PALS2: variants seen among roughly 807,000 people sequenced by gnomAD.
PALS2 encodes the protein protein associated with LIN7 2, MAGUK p55 family member.
Under a neutral mutation model 61.6 loss-of-function variants are expected in PALS2, and 27 were observed. The ratio of observed to expected loss-of-function variants is 0.44; its 90% CI spans 0.32 to 0.60. PALS2 has a LOEUF of 0.60. Among genes scored for constraint, PALS2 ranks in the 20% least tolerant of loss-of-function variants. The pLI, the probability that PALS2 is intolerant of heterozygous loss-of-function variation, is 0.05. For missense variants in PALS2, 554 were observed against 639.4 expected (o/e 0.87, Z 1.44); for synonymous variants, 236 against 218.6 (o/e 1.08, Z -0.70).
Position 24,691,915 on chromosome 7 carries a change from C to G in PALS2, c.*4301C>G, listed in dbSNP as rs1788496637. The G allele has an allele frequency of 6.6e-6, 1 of 152,002 alleles. No individual in the cohort carries two copies. Among genetic ancestry groups the G allele is most frequent in the South Asian group, 2.1e-4 (1 of 4,826 alleles). The allele number at this position is 152,002 out of a possible 1,614,324, so 9.4% of individuals were successfully genotyped here. A position where few individuals can be genotyped will look rare whatever the true frequency, so the allele number is the denominator to read the frequency against. ...TTATTGTATATAGTACAAATGAATA[C>G]TCACAAAATTTAAGAATACATTTGA... On this transcript the variant is annotated 3_prime_UTR_variant, in exon 12 of 12. Coordinates refer to ENST00000222644, the MANE Select transcript of PALS2 (RefSeq NM_001303037.2).
At chr7:24,595,487 ATT>A (rs1012514301) in intron 1 of PALS2, among the ~76,000 whole-genome samples, 1 of 130,026 alleles carries the variant, frequency 7.7e-6, no homozygotes, top group Non-Finnish European at 1.6e-5. Context: ...GTAAATATAT[ATT>A]ATATATTTTT....
At chr7:24,644,105 T>C (rs1334059759) in intron 3 of PALS2, among the ~76,000 whole-genome samples, 1 of 151,794 alleles carries the variant, frequency 6.6e-6, no homozygotes, top group Non-Finnish European at 1.5e-5. Flanking sequence ...CTTTTTTTTT[T>C]TTTTTTACTT....
In PALS2 at chr7:24,689,331, A is replaced by G. The variant is rs1788360367; in HGVS notation, c.*1717A>G. 1 of 152,218 alleles carries G rather than the reference A, an allele frequency of 6.6e-6. No individual in the cohort carries two copies. Among genetic ancestry groups the G allele is most frequent in the Admixed American group, 6.5e-5 (1 of 15,280 alleles). 9.4% of individuals were successfully genotyped at this position (152,218 alleles called of 1,614,324 possible). On this transcript the variant is annotated 3_prime_UTR_variant, in exon 12 of 12. Transcript: ENST00000222644. ...AGCTTTTCATGTAAACATTATTCACACTTTAAAGGATTAGGTGTTTAAATA... is the reference window on the plus strand; with the variant it reads ...AGCTTTTCATGTAAACATTATTCACGCTTTAAAGGATTAGGTGTTTAAATA...
At chr7:24,644,737 G>A (rs1785743005) in intron 3 of PALS2, among the ~76,000 whole-genome samples, 1 of 151,940 alleles carries the variant, frequency 6.6e-6, no homozygotes, top group South Asian at 2.1e-4. Context: ...TTTCTACAGT[G>A]GTTGAGCTAA....
chr7:24,633,346 TGGA>T (rs1203401351), intron 2 of PALS2, among the ~76,000 whole-genome samples: 1 of 146,986 alleles, frequency 6.8e-6, no homozygotes, highest in Non-Finnish European at 1.5e-5. Context: ...TCCAGGTTGG[TGGA>T]GTTTTTTTTT....
At chr7:24,656,600 C>T (rs1786429157) in intron 5 of PALS2, among the ~76,000 whole-genome samples, 1 of 152,136 alleles carries the variant, frequency 6.6e-6, no homozygotes, top group Non-Finnish European at 1.5e-5. Flanking sequence ...CAGCTCACTG[C>T]AGCCTCAGCC....
chr7:24,682,363 CCTT>C (rs1324616589), intron 11 of PALS2, among the ~76,000 whole-genome samples: 1 of 152,154 alleles, frequency 6.6e-6, no homozygotes, highest in Non-Finnish European at 1.5e-5. Context: ...TGGAAGGAGA[CCTT>C]CTACAAGTCT....
At chr7:24,643,161 A>G (rs1193584834) in intron 3 of PALS2, among the ~76,000 whole-genome samples, 1 of 152,160 alleles carries the variant, frequency 6.6e-6, no homozygotes, top group Non-Finnish European at 1.5e-5. Flanking sequence ...GGAACACTAG[A>G]AGAAAATGTT....
intron 1 of PALS2, among the ~76,000 whole-genome samples, chr7:24,592,210 C>T (rs568619217): frequency 6.6e-6 from 1 of 152,172 alleles, no homozygotes; most frequent in South Asian, 2.1e-4. Flanking sequence ...AATTCGCAAA[C>T]ACAGAATAAT....
chr7:24,680,786 G>T (rs1787884686), intron 11 of PALS2, among the ~76,000 whole-genome samples: 1 of 152,036 alleles, frequency 6.6e-6, no homozygotes, highest in South Asian at 2.1e-4. Flanking sequence ...AGTAGAGACG[G>T]GGTTTCACCA....
chr7:24,674,260 T>C (rs1218596959), intron 9 of PALS2: 1 of 153,016 alleles, frequency 6.5e-6, no homozygotes, highest in Non-Finnish European at 1.5e-5. Context: ...GAAGAAGAAA[T>C]AGCAATTCAT....
intron 6 of PALS2, 140 bp downstream of exon 6, chr7:24,663,861 C>T: frequency 9.1e-7 from 1 of 1,099,268 alleles, no homozygotes; most frequent in Non-Finnish European, 1.3e-6. Flanking sequence ...TTCGTGGCTA[C>T]TAATTTTGTG....
At chr7:24,662,768 G>GAAAAAAAAAAAAAAAAAAAAAAAA (rs59367702) in intron 5 of PALS2, among the ~76,000 whole-genome samples, 2 of 102,644 alleles carry the variant, frequency 1.9e-5, no homozygotes, top group African/African-American at 3.0e-5. Flanking sequence ...GACTCCATCT[G>GAAAAAAAAAAAAAAAAAAAAAAAA]AAAAAAAAAA....
At position 24,624,605 on chromosome 7, in the gene PALS2, C is replaced by CTTTTTTTTT. The variant is rs368160704; in HGVS notation, c.117+832_117+840dup. ...GAGTGAATTAATGATGCAGATTCTT[C>CTTTTTTTTT]TTTTTTTTTTTTTTTTTTTGAGAGG... On this transcript the variant is annotated intron_variant, in intron 2 of 11. Coordinates refer to ENST00000222644, the MANE Select transcript of PALS2 (RefSeq NM_001303037.2). Among the ~76,000 whole-genome samples the CTTTTTTTTT allele has an allele frequency of 2.4e-3, 204 of 86,328 alleles. 2 individuals are homozygous for CTTTTTTTTT. Among genetic ancestry groups the CTTTTTTTTT allele is most frequent in the Middle Eastern group, 6.8e-3 (1 of 146 alleles). 56.6% of individuals were successfully genotyped at this position (86,328 alleles called of 152,430 possible). A position where few individuals can be genotyped will look rare whatever the true frequency, so the allele number is the denominator to read the frequency against.
rs1271523381 is a variant in PALS2 at position 24,647,957 on chromosome 7, G to GTCAAT, written c.271-1655_271-1654insTCAAT. Among the ~76,000 whole-genome samples the GTCAAT allele has an allele frequency of 2.0e-5, 3 of 152,272 alleles. No homozygotes were observed. In the East Asian group the frequency reaches 5.8e-4, roughly 29 times the overall value. ...TAAGAGTTGTCAATGCATAAGTAGT[G>GTCAAT]GCTCAAGTCACAGGAGTAAATGAAA... On this transcript the variant is annotated intron_variant, in intron 3 of 11. Transcript: ENST00000222644.
chr7:24,583,550 A>G (rs113750733), intron 1 of PALS2, among the ~76,000 whole-genome samples: 5 of 152,112 alleles, frequency 3.3e-5, no homozygotes, highest in South Asian at 2.1e-4. Flanking sequence ...ACGACTTTCA[A>G]TAAGGTCCCC....
intron 5 of PALS2, among the ~76,000 whole-genome samples, chr7:24,655,630 A>ATTTTTTTTTTTTTTTTTTTTTTTTTT (rs770410952): frequency 1.0e-5 from 1 of 96,910 alleles, no homozygotes; most frequent in Non-Finnish European, 1.9e-5. Flanking sequence ...TAGTTAGTAG[A>ATTTTTTTTTTTTTTTTTTTTTTTTTT]TTTTTTTTTT....
intron 1 of PALS2, among the ~76,000 whole-genome samples, chr7:24,588,540 G>A (rs547569222): frequency 6.6e-6 from 1 of 152,148 alleles, no homozygotes; most frequent in South Asian, 2.1e-4. Flanking sequence ...TAGTTCTTGA[G>A]TCCAGATTTT....
chr7:24,611,718 T>C lies in PALS2; in HGVS notation c.-2-11948T>C, dbSNP rs74827220. On this transcript the variant is annotated intron_variant, in intron 1 of 11. Transcript: ENST00000222644. ...GTTAGGGACATTGATATTTTGCCCT[T>C]AAAGAATGAGTGTGAATTAGGTATG... Among the ~76,000 whole-genome samples the C allele has an allele frequency of 6.9e-3, 1,049 of 152,076 alleles. 20 individuals are homozygous for C. Among genetic ancestry groups the C allele is most frequent in the Non-Finnish European group, 8.3e-3 (566 of 67,884 alleles).
Sources: allele counts gnomAD v4.1 joint callset (sites outside exome capture counted in the v4.1 genomes callset), GRCh38; gene constraint gnomAD v4.1.1; transcripts MANE v1.5; gene names NCBI Gene and HGNC (gene_info 2026-07-23, HGNC 2026-07-21).